The following DOCK8 variants were observed in gnomAD, a reference collection of about 807,000 sequenced individuals.
DOCK8 encodes dedicator of cytokinesis protein 8.
In DOCK8, 141 loss-of-function variants were observed where a neutral mutation model predicts 245.6. The ratio of observed to expected loss-of-function variants is 0.57; its 90% CI spans 0.50 to 0.66. The LOEUF (loss-of-function observed/expected upper bound fraction) is 0.66. Among genes scored for constraint, DOCK8 ranks in the 30% least tolerant of loss-of-function variants. DOCK8 has a pLI of 0.00. For missense variants in DOCK8, 2,965 were observed against 2,603.4 expected, an observed-to-expected ratio of 1.14 and a Z score of -3.02; for synonymous variants, 1,168 against 970.2, an observed-to-expected ratio of 1.20 and a Z score of -3.79.
chr9:313,535 C>A (rs567242430), intron 6 of DOCK8, among the ~76,000 whole-genome samples: 102 of 152,286 alleles, frequency 6.7e-4, no homozygotes, highest in African/African-American at 2.3e-3. Context: ...AATAAATTAT[C>A]TCACTTATAT....
intron 1 of DOCK8, among the ~76,000 whole-genome samples, chr9:249,601 T>C (rs1156799046): frequency 6.6e-6 from 1 of 152,114 alleles, no homozygotes; most frequent in Non-Finnish European, 1.5e-5. Context: ...ACTCTTTTCT[T>C]ATTTTTTAAT....
At chr9:274,672 A>T (rs2048276808) in intron 2 of DOCK8, among the ~76,000 whole-genome samples, 1 of 143,498 alleles carries the variant, frequency 7.0e-6, no homozygotes, top group South Asian at 2.3e-4. Context: ...TTAAAAAAAA[A>T]TTTCTTTTCA....
chr9:366,796 C>T (rs2053022869), intron 14 of DOCK8, among the ~76,000 whole-genome samples: 1 of 152,158 alleles, frequency 6.6e-6, no homozygotes, highest in East Asian at 1.9e-4. Context: ...TAACACTTTG[C>T]AGAGCACTAG....
chr9:377,417 T>A (rs1465979815), intron 20 of DOCK8, among the ~76,000 whole-genome samples: 2 of 152,224 alleles, frequency 1.3e-5, no homozygotes, highest in Non-Finnish European at 2.9e-5. Context: ...AAAATAGGGT[T>A]CTTAATATTA....
intron 24 of DOCK8, among the ~76,000 whole-genome samples, chr9:391,466 T>C (rs984845158): frequency 5.9e-5 from 9 of 152,164 alleles, no homozygotes; most frequent in African/African-American, 2.2e-4. Flanking sequence ...ATGAAATTTG[T>C]ATATCTGTTT....
At chr9:409,695 T>TA (rs1453118371) in intron 28 of DOCK8, among the ~76,000 whole-genome samples, 2 of 152,152 alleles carry the variant, frequency 1.3e-5, no homozygotes, top group Non-Finnish European at 2.9e-5. Context: ...ACTCGTCATT[T>TA]ACATTAGGTA....
At chr9:442,566 G>A (rs1431966990) in intron 42 of DOCK8, among the ~76,000 whole-genome samples, 2 of 152,204 alleles carry the variant, frequency 1.3e-5, no homozygotes, top group East Asian at 3.8e-4. Context: ...ACAGAAAAGT[G>A]TAGCATGTTG....
At chr9:400,986 C>T (rs1206715799) in intron 26 of DOCK8, among the ~76,000 whole-genome samples, 5 of 118,158 alleles carry the variant, frequency 4.2e-5, no homozygotes, top group Non-Finnish European at 3.9e-5. Flanking sequence ...ATCACCACCT[C>T]CTCCACCACC....
chr9:397,510 G>A (rs985045040), intron 25 of DOCK8, among the ~76,000 whole-genome samples: 9 of 151,888 alleles, frequency 5.9e-5, no homozygotes, highest in Non-Finnish European at 1.2e-4. Context: ...CCAACATGTT[G>A]AAACCCCGTC....
chr9:355,586 A>G (rs2052398968), intron 14 of DOCK8, among the ~76,000 whole-genome samples: 1 of 152,204 alleles, frequency 6.6e-6, no homozygotes, highest in Admixed American at 6.5e-5. Flanking sequence ...CAGATACTCA[A>G]AGGTGTGGAG....
chr9:430,162 G>T (rs2056656775), intron 36 of DOCK8, among the ~76,000 whole-genome samples: 1 of 152,210 alleles, frequency 6.6e-6, no homozygotes, highest in South Asian at 2.1e-4. Flanking sequence ...ATCATTTGAA[G>T]TCAGGAGTTC....
At chr9:256,619 G>A (rs531553964) in intron 1 of DOCK8, among the ~76,000 whole-genome samples, 16 of 152,236 alleles carry the variant, frequency 1.1e-4, no homozygotes, top group African/African-American at 3.9e-4. Flanking sequence ...TTTTCCTTGT[G>A]AAGAATTTTT....
intron 14 of DOCK8, chr9:340,583 T>C (rs2051537532): frequency 2.5e-6 from 1 of 396,894 alleles, no homozygotes; most frequent in Non-Finnish European, 4.7e-6. Context: ...ATTGCACTAC[T>C]GCACTCCAGC....
chr9:421,109 G>T (rs1199674480), intron 32 of DOCK8, 31 bp downstream of exon 32: 8 of 1,613,424 alleles, frequency 5.0e-6, no homozygotes, highest in Middle Eastern at 1.8e-4. Context: ...CCTGCTCTCT[G>T]TCAAGCAGTT....
rs772327036 is a variant in DOCK8, at chr9:451,975, ATATTTTTTTTT to A, written c.5962-34_5962-24del. ...TGTGTGTATATATATATATATATAT[ATATTTTTTTTT>A]TTTTTTTTTTTTTTTTCCCACCAGG... On this transcript the variant is annotated intron_variant, in intron 45 of 47. Coordinates refer to ENST00000432829, the MANE Select transcript of DOCK8 (RefSeq NM_203447.4). 1,732 of 220,482 alleles carry A rather than the reference ATATTTTTTTTT, an allele frequency of 7.9e-3. 1 individual carries two copies. Among genetic ancestry groups the A allele is most frequent in the Middle Eastern group, 0.013 (9 of 704 alleles). 13.7% of individuals were successfully genotyped at this position (220,482 alleles called of 1,614,324 possible).
upstream of DOCK8, among the ~76,000 whole-genome samples, chr9:212,421 T>G (rs493348): frequency 0.27 from 41,007 of 151,884 alleles, 5,670 homozygotes; most frequent in East Asian, 0.32. Context: ...AGAGAGACCA[T>G]CAGATGCGGA....
chr9:433,241 C>T lies in DOCK8; in HGVS notation c.4786-634C>T, dbSNP rs574696928. Among the ~76,000 whole-genome samples, 7 of 152,284 alleles carry T rather than the reference C, an allele frequency of 4.6e-5. No individual in the cohort carries two copies. In the South Asian group the frequency reaches 1.5e-3, roughly 32 times the overall value. ...TTAATAAAGGTCTTCAGTGCCTTCA[C>T]CCAATGAAATGACTCTAGTGGTAGA... is the stretch of plus-strand genomic sequence containing the variant. On this transcript the variant is annotated intron_variant, in intron 37 of 47. Coordinates refer to ENST00000432829, the MANE Select transcript of DOCK8 (RefSeq NM_203447.4).
chr9:262,298 T>C (rs1184590), intron 1 of DOCK8, among the ~76,000 whole-genome samples: 62,431 of 150,436 alleles, frequency 0.41, 13,650 homozygotes, highest in East Asian at 0.79. Flanking sequence ...TATACAACCA[T>C]GTTGTAAAAC....
intron 30 of DOCK8, chr9:420,086 T>A (rs1464331617): frequency 2.4e-6 from 1 of 421,208 alleles, no homozygotes; most frequent in Non-Finnish European, 4.5e-6. Context: ...GCAGCACGCA[T>A]GATCAAGGCC....
Sources: gnomAD v4.1 joint callset for allele counts (sites outside exome capture counted in the v4.1 genomes callset) on GRCh38, gnomAD v4.1.1 for gene constraint, MANE v1.5 for transcripts, NCBI Gene and HGNC (gene_info 2026-07-23, HGNC 2026-07-21) for gene names.